The following ANK3 variants were observed in gnomAD, a reference collection of about 807,000 sequenced individuals.
The protein encoded by ANK3 is ankyrin 3.
Under a neutral mutation model 370.9 loss-of-function variants are expected in ANK3, and 57 were observed. That is an observed-to-expected ratio of 0.15 (90% CI 0.12 to 0.19). The LOEUF is 0.19. Among genes scored for constraint, ANK3 ranks in the 10% least tolerant of loss-of-function variants. The pLI, the probability that ANK3 is intolerant of heterozygous loss-of-function variation, is 1.00. For missense variants in ANK3, 4,439 were observed against 5,302.1 expected, an observed-to-expected ratio of 0.84 and a Z score of 5.06; for synonymous variants, 1,929 against 1,946.3, an observed-to-expected ratio of 0.99 and a Z score of 0.23.
chr10:60,385,676 T>C (rs2062161455), intron 1 of ANK3, among the ~76,000 whole-genome samples: 1 of 152,204 alleles, frequency 6.6e-6, no homozygotes, highest in Non-Finnish European at 1.5e-5. Flanking sequence ...GAATTAATTG[T>C]CATTTTATCC....
At chr10:60,723,447 C>T (rs2079893927) in intron 1 of ANK3, among the ~76,000 whole-genome samples, 1 of 151,460 alleles carries the variant, frequency 6.6e-6, no homozygotes. Flanking sequence ...AAGAGCTAGG[C>T]CTTTCCTTGC....
intron 1 of ANK3, among the ~76,000 whole-genome samples, chr10:60,720,519 T>C (rs1047858548): frequency 1.3e-5 from 2 of 152,234 alleles, no homozygotes; most frequent in Admixed American, 1.3e-4. Context: ...AAAGTAATTA[T>C]ATTATAAAAG....
At chr10:60,120,628 A>C (rs1475801378) in intron 25 of ANK3, among the ~76,000 whole-genome samples, 2 of 152,196 alleles carry the variant, frequency 1.3e-5, no homozygotes, top group East Asian at 1.9e-4. Context: ...AGGAAAAAAA[A>C]AATCTAATAA....
rs1045905152 is a variant in ANK3, at chr10:60,688,772, C to A, written c.57+44491G>T. On this transcript the variant is annotated intron_variant, in intron 1 of 43. Transcript: ENST00000373827. ...GACCATCCTGGCTAACATGGTGAAA[C>A]CCCGTCTCTACTAAAAATACAAAAA... Among the ~76,000 whole-genome samples, 5 of 151,886 alleles carry A rather than the reference C, an allele frequency of 3.3e-5. No homozygotes were observed. The South Asian group carries it at 8.3e-4, about 25-fold the overall frequency.
chr10:60,684,628 T>C, intron 1 of ANK3: 1 of 1,589,986 alleles, frequency 6.3e-7, no homozygotes. Context: ...CAGGCTGCAG[T>C]TCAATGAATT....
rs1047075956 is a variant in ANK3 at position 60,263,898 on chromosome 10, T to C, written c.636A>G (p.Lys212=). Residue 212 remains lysine, a synonymous_variant, in exon 6 of 44, where the codon AAA becomes AAG. Coordinates refer to ENST00000280772, the MANE Select transcript of ANK3 (RefSeq NM_020987.5). ...GCAGGGCGGCGGCTTTCGTGTCGTC[T>C]TTTCGGGCCGCGATATGAAGAGCTG... ...RLPALHIAAR[K]DDTKAAALLL... 1 of 1,614,144 alleles carries C rather than the reference T, an allele frequency of 6.2e-7. No homozygotes were observed. The highest frequency in any genetic ancestry group is 1.1e-5 in the South Asian group (1 of 91,084).
At chr10:60,661,048 A>C (rs2078929779) in intron 1 of ANK3, among the ~76,000 whole-genome samples, 1 of 152,016 alleles carries the variant, frequency 6.6e-6, no homozygotes, top group Non-Finnish European at 1.5e-5. Context: ...AAGGTTTCTA[A>C]GTGGGTAAGT....
intron 1 of ANK3, among the ~76,000 whole-genome samples, chr10:60,323,576 T>C (rs893868006): frequency 4.6e-5 from 7 of 152,136 alleles, no homozygotes; most frequent in Admixed American, 6.6e-5. Flanking sequence ...AGGGGAGATG[T>C]CTCCAATGGA....
At chr10:60,187,866 A>G (rs945227385) in intron 16 of ANK3, among the ~76,000 whole-genome samples, 1 of 152,042 alleles carries the variant, frequency 6.6e-6, no homozygotes, top group Non-Finnish European at 1.5e-5. Flanking sequence ...CTTTTCCCCA[A>G]CATGCCCAGC....
chr10:60,349,104 C>T (rs538050748), intron 1 of ANK3, among the ~76,000 whole-genome samples: 13 of 152,250 alleles, frequency 8.5e-5, no homozygotes, highest in South Asian at 2.1e-4. Context: ...GCATCAGTAC[C>T]GCCACAACTT....
chr10:60,718,151 G>A (rs961058702), intron 1 of ANK3, among the ~76,000 whole-genome samples: 8 of 152,326 alleles, frequency 5.3e-5, no homozygotes, highest in African/African-American at 1.7e-4. Flanking sequence ...CTGTTTGGTT[G>A]TAGTTTGTTT....
intron 1 of ANK3, among the ~76,000 whole-genome samples, chr10:60,382,805 A>ATATATATATT (rs1342619498): frequency 7.5e-6 from 1 of 132,962 alleles, no homozygotes; most frequent in Non-Finnish European, 1.6e-5. Context: ...ATCTATATAT[A>ATATATATATT]TATATATATA....
intron 25 of ANK3, among the ~76,000 whole-genome samples, chr10:60,119,082 A>G (rs2093306059): frequency 6.6e-6 from 1 of 152,208 alleles, no homozygotes; most frequent in South Asian, 2.1e-4. Context: ...TTTGTCCCAG[A>G]TAGTAACACT....
intron 1 of ANK3, among the ~76,000 whole-genome samples, chr10:60,634,517 T>A (rs184437011): frequency 6.6e-6 from 1 of 152,066 alleles, no homozygotes; most frequent in Admixed American, 6.5e-5. Flanking sequence ...ACGGAACAAT[T>A]GGCACTCTGT....
In ANK3 at chr10:60,169,364, G is replaced by GTTTGTTTTTTTTTTTTTTTTT; in HGVS notation, c.2479-2469_2479-2468insAAAAAAAAAAAAAAAAACAAA. Among the ~76,000 whole-genome samples, 2 of 51,896 alleles carry GTTTGTTTTTTTTTTTTTTTTT rather than the reference G, an allele frequency of 3.9e-5. 1 individual carries two copies. The highest frequency in any genetic ancestry group is 7.3e-5 in the Non-Finnish European group (2 of 27,520). 34.0% of individuals were successfully genotyped at this position (51,896 alleles called of 152,430 possible). On this transcript the variant is annotated intron_variant, in intron 21 of 43. Transcript: ENST00000280772. ...TCCATCAACTGGGGCTTGTCTCATA[G>GTTTGTTTTTTTTTTTTTTTTT]TTTTTTTTTTTTTTTTTTTTTTTTA...
chr10:60,392,589 T>A (rs1357803348), upstream of ANK3, among the ~76,000 whole-genome samples: 1 of 152,212 alleles, frequency 6.6e-6, no homozygotes, highest in Non-Finnish European at 1.5e-5. Flanking sequence ...ACATAGGATT[T>A]ACATAGGATG....
intron 4 of ANK3, among the ~76,000 whole-genome samples, chr10:60,277,257 A>G (rs546615554): frequency 6.6e-6 from 1 of 152,338 alleles, no homozygotes; most frequent in African/African-American, 2.4e-5. Flanking sequence ...AAAGATAATC[A>G]TACTAGAAAA....
chr10:60,652,797 G>A lies in ANK3; in HGVS notation c.58-37573C>T, dbSNP rs149725498. Among the ~76,000 whole-genome samples, 794 of 151,918 alleles carry A rather than the reference G, an allele frequency of 5.2e-3. 7 individuals are homozygous for A. The highest frequency in any genetic ancestry group is 0.018 in the African/African-American group (747 of 41,446). ...TAGTTAGAAGTCGAAGCAGAGGCAG[G>A]ATAAAGAACGAAACCAATATCAAAA... On this transcript the variant is annotated intron_variant, in intron 1 of 43. Transcript: ENST00000373827.
At chr10:60,444,235 G>C (rs2064376756) in intron 2 of ANK3, among the ~76,000 whole-genome samples, 1 of 151,808 alleles carries the variant, frequency 6.6e-6, no homozygotes. Flanking sequence ...AATTAAAACA[G>C]TTAACCCCAG....
Sources: allele counts gnomAD v4.1 joint callset (sites outside exome capture counted in the v4.1 genomes callset), GRCh38; gene constraint gnomAD v4.1.1; transcripts MANE v1.5; gene names NCBI Gene and HGNC (gene_info 2026-07-23, HGNC 2026-07-21).